PM20D2: variants seen among roughly 807,000 people sequenced by gnomAD.
The protein encoded by PM20D2 is peptidase M20 domain containing 2.
In PM20D2, 33 loss-of-function variants were observed where a neutral mutation model predicts 42.9. The ratio of observed to expected loss-of-function variants is 0.77; its 90% confidence interval spans 0.58 to 1.03. PM20D2 has a LOEUF of 1.03. Ranked by LOEUF, PM20D2 falls within the 50% of genes least tolerant of loss-of-function variation. PM20D2 has a pLI of 0.00. For missense variants in PM20D2, 548 were observed against 557.0 expected (o/e 0.98, Z 0.16); for synonymous variants, 250 against 228.2 (o/e 1.10, Z -0.86).
the PM20D2 span, among the ~76,000 whole-genome samples, chr6:89,121,115 G>C: frequency 6.6e-5 from 10 of 151,898 alleles, no homozygotes; most frequent in Non-Finnish European, 1.5e-4. Flanking sequence ...GTATGGATAG[G>C]GGGTGTTTTT....
At chr6:89,110,075 A>T in the PM20D2 span, among the ~76,000 whole-genome samples, 29 of 151,480 alleles carry the variant, frequency 1.9e-4, no homozygotes, top group Admixed American at 1.9e-3. Flanking sequence ...TGGGCAACAG[A>T]GCAAGACTCT....
chr6:89,121,288 T>C, the PM20D2 span, among the ~76,000 whole-genome samples: 3 of 152,070 alleles, frequency 2.0e-5, no homozygotes, highest in African/African-American at 4.8e-5. Context: ...TTTCCAGATA[T>C]GATTTGAGGC....
intron 4 of PM20D2, among the ~76,000 whole-genome samples, chr6:89,155,611 T>C (rs1771017931): frequency 6.6e-6 from 1 of 152,112 alleles, no homozygotes; most frequent in African/African-American, 2.4e-5. Flanking sequence ...TTTCTGAAGT[T>C]AGGGTGTGTA....
chr6:89,107,927 T>C, the PM20D2 span, among the ~76,000 whole-genome samples: 1 of 152,154 alleles, frequency 6.6e-6, no homozygotes, highest in Non-Finnish European at 1.5e-5. Flanking sequence ...TAAGACCTAA[T>C]AAGTAATTGT....
At chr6:89,156,580 A>G (rs1214286241) in intron 4 of PM20D2, among the ~76,000 whole-genome samples, 1 of 152,216 alleles carries the variant, frequency 6.6e-6, no homozygotes, top group African/African-American at 2.4e-5. Flanking sequence ...ATTCTCAGAA[A>G]GCATATGTTA....
the PM20D2 span, among the ~76,000 whole-genome samples, chr6:89,130,415 A>G: frequency 6.6e-6 from 1 of 151,250 alleles, no homozygotes; most frequent in African/African-American, 2.4e-5. Flanking sequence ...TTTTTATTTA[A>G]GGTAAAACAT....
chr6:89,123,960 C>G, the PM20D2 span, among the ~76,000 whole-genome samples: 4 of 151,822 alleles, frequency 2.6e-5, no homozygotes, highest in African/African-American at 9.7e-5. Context: ...TCACTTGAGT[C>G]CAGGAGGTTG....
rs537578459 is a variant in PM20D2 at position 89,162,227 on chromosome 6, A to G, written c.1275A>G (p.Lys425=). ...GAATCAGAGAGGACTTTAAACTGAA[A>G]CTTCAAGAAGAACAGTTTGTAAATG... is the stretch of plus-strand genomic sequence containing the variant. ...LEGIREDFKL[K]LQEEQFVNAV... The change falls in exon 7 of 7, where the codon AAA becomes AAG. Residue 425 remains lysine (K), a synonymous_variant. Coordinates refer to ENST00000275072, the MANE Select transcript of PM20D2 (RefSeq NM_001010853.3). The G allele has an allele frequency of 1.9e-6, 3 of 1,614,044 alleles. No homozygotes were observed. The highest frequency in any genetic ancestry group is 2.7e-5 in the African/African-American group (2 of 75,060).
At chr6:89,134,300 G>C in the PM20D2 span, among the ~76,000 whole-genome samples, 1 of 151,106 alleles carries the variant, frequency 6.6e-6, no homozygotes, top group African/African-American at 2.5e-5. Context: ...ACATTCCTAT[G>C]CATCTACGCC....
At chr6:89,151,890 C>A (rs923383850) in intron 2 of PM20D2, among the ~76,000 whole-genome samples, 1 of 151,912 alleles carries the variant, frequency 6.6e-6, no homozygotes, top group African/African-American at 2.4e-5. Flanking sequence ...GAGTTCATGA[C>A]CAGCCTGGGC....
chr6:89,094,285 C>A, the PM20D2 span, among the ~76,000 whole-genome samples: 1 of 151,006 alleles, frequency 6.6e-6, no homozygotes, highest in Admixed American at 6.6e-5. Flanking sequence ...TGCAGTGGCA[C>A]CATCTTGGTT....
In PM20D2 at chr6:89,149,382, G is replaced by A. The variant is rs1269833235; in HGVS notation, c.583G>A (p.Ala195Thr). 1 of 1,614,046 alleles carries A rather than the reference G, an allele frequency of 6.2e-7. No individual in the cohort carries two copies. The highest frequency in any genetic ancestry group is 8.5e-7 in the Non-Finnish European group (1 of 1,179,956). The stretch of plus-strand genomic sequence containing the variant: ...TATGGCCCACCCATCACAAGAGAAT[G>A]CTGCTTATCTACCAGATATGGCTGA... ...VFMAHPSQENAAYLPDMAEHD... is the reference protein window; with the variant it reads ...VFMAHPSQENTAYLPDMAEHD... The change falls in exon 2 of 7, where the codon GCT (alanine) becomes ACT (threonine). Residue 195 changes from alanine (A) to threonine (T), a missense_variant. Ala to Thr is a moderately conservative substitution (Grantham distance 58, BLOSUM62 0). This residue lies in a region of PM20D2 where 470 missense variants were observed against 464.4 expected (regional missense o/e 1.01). Transcript: ENST00000275072.
At chr6:89,105,225 A>G in the PM20D2 span, 4 of 1,611,618 alleles carry the variant, frequency 2.5e-6, no homozygotes, top group African/African-American at 1.3e-5. Context: ...CTTGGAGAAC[A>G]AGGATGACGT....
chr6:89,131,585 T>C, the PM20D2 span, among the ~76,000 whole-genome samples: 1 of 152,154 alleles, frequency 6.6e-6, no homozygotes, highest in Non-Finnish European at 1.5e-5. Context: ...GCTCTACTGG[T>C]GGCCTACTTA....
the PM20D2 span, chr6:89,107,356 C>T: frequency 2.4e-6 from 2 of 822,408 alleles, no homozygotes. Flanking sequence ...GAAAGAACAT[C>T]ATCTAGACCA....
At chr6:89,147,865 C>T (rs1210519246) in intron 1 of PM20D2, among the ~76,000 whole-genome samples, 1 of 151,228 alleles carries the variant, frequency 6.6e-6, no homozygotes, top group African/African-American at 2.4e-5. Context: ...TGCACTCCAT[C>T]CTGGGCAACA....
the PM20D2 span, among the ~76,000 whole-genome samples, chr6:89,121,003 A>C: frequency 1.3e-5 from 2 of 152,114 alleles, no homozygotes; most frequent in African/African-American, 4.8e-5. Flanking sequence ...TAGTATTGTC[A>C]GATTTTTTTA....
chr6:89,122,377 A>G, the PM20D2 span, among the ~76,000 whole-genome samples: 1 of 152,226 alleles, frequency 6.6e-6, no homozygotes, highest in African/African-American at 2.4e-5. Flanking sequence ...CCTAATTACC[A>G]TGGATAATCA....
At chr6:89,128,017 G>A in the PM20D2 span, among the ~76,000 whole-genome samples, 6 of 152,226 alleles carry the variant, frequency 3.9e-5, no homozygotes, top group Admixed American at 6.5e-5. Context: ...ATTGTAAAAC[G>A]TGTGTTTGAA....
Sources: allele counts gnomAD v4.1 joint callset (sites outside exome capture counted in the v4.1 genomes callset), GRCh38; gene constraint gnomAD v4.1.1; regional missense constraint gnomAD v4.1.1; transcripts MANE v1.5; gene names NCBI Gene and HGNC (gene_info 2026-07-23, HGNC 2026-07-21).